LY75: variants seen among roughly 807,000 people sequenced by gnomAD.
LY75 encodes C-type lectin domain family 13 member B.
A neutral mutation model predicts 231.7 loss-of-function variants in LY75; 185 were observed. That is an observed-to-expected ratio of 0.80 (90% CI 0.71 to 0.90). The LOEUF is 0.90. Ranked by LOEUF, LY75 falls within the 40% of genes least tolerant of loss-of-function variation. The probability of loss-of-function intolerance (pLI) is 0.00; values close to 1 mark genes in which losing one functional copy is unlikely to be tolerated. For missense variants in LY75, 1,947 were observed against 2,050.2 expected (o/e 0.95, Z 0.97); for synonymous variants, 668 against 689.0 (o/e 0.97, Z 0.48).
chr2:159,864,805 C>G (rs1207125898), intron 14 of LY75, 34 bp downstream of exon 14: 1 of 1,507,032 alleles, frequency 6.6e-7, no homozygotes, highest in Non-Finnish European at 8.9e-7. Context: ...AACAGTGTTT[C>G]CATACTACCT....
intron 31 of LY75, among the ~76,000 whole-genome samples, chr2:159,811,481 A>T (rs989654213): frequency 2.0e-5 from 3 of 152,196 alleles, no homozygotes; most frequent in Non-Finnish European, 4.4e-5. Flanking sequence ...TAAATTGTCA[A>T]TGTCGTATTA....
rs1574592655 is a variant in LY75, at chr2:159,885,424, T to C, written c.914-131A>G. On this transcript the variant is annotated intron_variant, in intron 5 of 34. Coordinates refer to ENST00000263636, the MANE Select transcript of LY75 (RefSeq NM_002349.4). The stretch of plus-strand genomic sequence containing the variant: ...ATATTATAGTTAAAACTTAACTAAA[T>C]TGAAACGTATAAGCCTCAATGAATA... The C allele has an allele frequency of 3.5e-6, 4 of 1,128,360 alleles. No individual in the cohort carries two copies. The East Asian group carries it at 1.0e-4, about 29-fold the overall frequency. 69.9% of individuals were successfully genotyped at this position (1,128,360 alleles called of 1,614,324 possible).
intron 1 of LY75, chr2:159,902,398 A>G (rs555673486): frequency 6.6e-6 from 1 of 152,356 alleles, no homozygotes; most frequent in Admixed American, 6.5e-5. Flanking sequence ...TAGTATTTTT[A>G]CATCCATCAA....
At chr2:159,812,671 C>G (rs139413037) in intron 31 of LY75, among the ~76,000 whole-genome samples, 13 of 152,136 alleles carry the variant, frequency 8.5e-5, no homozygotes, top group Non-Finnish European at 1.8e-4. Context: ...TCTCAGCCCC[C>G]CAAAGTGCTG....
chr2:159,886,296 T>C (rs1195808072), intron 5 of LY75, 124 bp downstream of exon 5: 2 of 1,057,998 alleles, frequency 1.9e-6, no homozygotes, highest in East Asian at 2.9e-5. Flanking sequence ...AAAAAATTCT[T>C]CTGAGAGGTA....
chr2:159,877,310 C>A (rs1180795886), intron 11 of LY75, among the ~76,000 whole-genome samples: 1 of 152,138 alleles, frequency 6.6e-6, no homozygotes, highest in Admixed American at 6.5e-5. Flanking sequence ...TAGACCAACA[C>A]AATAAAATAT....
At chr2:159,810,763 G>C in intron 31 of LY75, 88 bp from the exon 32 acceptor site, 3 of 1,554,016 alleles carry the variant, frequency 1.9e-6, no homozygotes, top group Non-Finnish European at 2.6e-6. Flanking sequence ...GATTGGAACT[G>C]TTGCGTTTGT....
At chr2:159,902,231 T>C (rs987826671) in intron 1 of LY75, 2 of 152,188 alleles carry the variant, frequency 1.3e-5, no homozygotes, top group African/African-American at 4.8e-5. Flanking sequence ...TACCTCCAAG[T>C]ACAATATTGG....
chr2:159,831,155 T>C (rs947826681), intron 28 of LY75, among the ~76,000 whole-genome samples: 1 of 152,216 alleles, frequency 6.6e-6, no homozygotes, highest in African/African-American at 2.4e-5. Context: ...ATCTTCAGTC[T>C]TGGAGGAGGG....
intron 11 of LY75, among the ~76,000 whole-genome samples, chr2:159,878,122 GA>G (rs1482481262): frequency 6.6e-6 from 1 of 152,172 alleles, no homozygotes; most frequent in Non-Finnish European, 1.5e-5. Context: ...CTAAGTTTTT[GA>G]ATTTCTTTCA....
At chr2:159,837,328 T>C (rs1683862211) in intron 25 of LY75, among the ~76,000 whole-genome samples, 1 of 152,186 alleles carries the variant, frequency 6.6e-6, no homozygotes, top group African/African-American at 2.4e-5. Flanking sequence ...AACGAAATCA[T>C]CTCCTTTACA....
chr2:159,882,467 AC>A (rs1685466085), intron 6 of LY75, 152 bp from the exon 7 acceptor site: 2 of 1,086,112 alleles, frequency 1.8e-6, no homozygotes, highest in East Asian at 5.1e-5. Context: ...TGTGGTGCCT[AC>A]CACATAAATG....
chr2:159,852,480 G>C, intron 20 of LY75, 140 bp from the exon 21 acceptor site: 1 of 1,182,070 alleles, frequency 8.5e-7, no homozygotes. Flanking sequence ...GTGCAGTGGT[G>C]CAATGTTGGC....
intron 6 of LY75, among the ~76,000 whole-genome samples, chr2:159,883,488 T>A (rs549951184): frequency 3.8e-4 from 58 of 152,290 alleles, no homozygotes; most frequent in African/African-American, 1.3e-3. Context: ...TGCAATCATT[T>A]TCATATTCTA....
chr2:159,894,261 C>T (rs1028949301), intron 2 of LY75, among the ~76,000 whole-genome samples, 177 bp from the exon 3 acceptor site: 1 of 152,206 alleles, frequency 6.6e-6, no homozygotes, highest in Admixed American at 6.5e-5. Context: ...CCCTGCTAAC[C>T]CACTGTTTGC....
intron 29 of LY75, 25 bp from the exon 30 acceptor site, chr2:159,817,057 AT>A: frequency 6.5e-7 from 1 of 1,544,998 alleles, no homozygotes; most frequent in South Asian, 1.2e-5. Context: ...AGCACTGGTG[AT>A]TAAAATTTAA....
intron 31 of LY75, among the ~76,000 whole-genome samples, chr2:159,815,051 A>C (rs552511778): frequency 7.6e-6 from 1 of 132,386 alleles, no homozygotes; most frequent in Non-Finnish European, 1.5e-5. Flanking sequence ...CCCAGGCTGG[A>C]CTGCAGTGGC....
At chr2:159,896,037 T>C (rs1685901036) in intron 2 of LY75, among the ~76,000 whole-genome samples, 1 of 152,096 alleles carries the variant, frequency 6.6e-6, no homozygotes, top group African/African-American at 2.4e-5. Flanking sequence ...TGAGATGAGG[T>C]GATTATGCAG....
At chr2:159,898,594 A>G in intron 2 of LY75, 94 bp downstream of exon 2, 2 of 1,526,960 alleles carry the variant, frequency 1.3e-6, no homozygotes, top group East Asian at 2.3e-5. Context: ...GCCCTTACTA[A>G]TGTACGACTC....
Sources: allele counts gnomAD v4.1 joint callset (sites outside exome capture counted in the v4.1 genomes callset), GRCh38; gene constraint gnomAD v4.1.1; transcripts MANE v1.5; gene names NCBI Gene and HGNC (gene_info 2026-07-23, HGNC 2026-07-21).